Variants in CDH13 observed in about 807,000 individuals in gnomAD.
CDH13 encodes the protein cadherin-13.
In CDH13, 24 loss-of-function variants were observed where a neutral mutation model predicts 63.8. The observed-to-expected ratio is 0.38, with a 90% confidence interval of 0.27 to 0.53. The LOEUF (loss-of-function observed/expected upper bound fraction) is 0.53. CDH13 is among the 20% of genes least tolerant of loss of function. The pLI, the probability that CDH13 is intolerant of heterozygous loss-of-function variation, is 0.85. For synonymous variants in CDH13, 503 were observed against 355.3 expected (o/e 1.42, Z -4.67); for missense variants, 1,049 against 903.1 (o/e 1.16, Z -2.07).
At chr16:83,246,711 A>T (rs1158089792) in intron 5 of CDH13, among the ~76,000 whole-genome samples, 4 of 151,828 alleles carry the variant, frequency 2.6e-5, no homozygotes, top group Admixed American at 6.6e-5. Flanking sequence ...CCCTATGTTT[A>T]CTCTTCGCCG....
At chr16:83,236,953 T>G (rs2040162347) in intron 5 of CDH13, among the ~76,000 whole-genome samples, 1 of 152,020 alleles carries the variant, frequency 6.6e-6, no homozygotes, top group South Asian at 2.1e-4. Flanking sequence ...TATGTGAGTT[T>G]CACCTCATTT....
chr16:83,720,180 TAC>T (rs375408617), intron 10 of CDH13, among the ~76,000 whole-genome samples: 3 of 150,858 alleles, frequency 2.0e-5, no homozygotes, highest in Non-Finnish European at 3.0e-5. Context: ...AGTACATACG[TAC>T]ACACACACAC....
intron 10 of CDH13, among the ~76,000 whole-genome samples, chr16:83,702,695 C>A (rs764149966): frequency 6.6e-6 from 1 of 152,190 alleles, no homozygotes; most frequent in Admixed American, 6.5e-5. Flanking sequence ...TGCCTTGGGT[C>A]TCTTATCCAG....
intron 1 of CDH13, among the ~76,000 whole-genome samples, chr16:82,789,216 T>C (rs1233900751): frequency 1.3e-5 from 2 of 152,174 alleles, no homozygotes; most frequent in African/African-American, 4.8e-5. Flanking sequence ...TGTGGTTGGG[T>C]TGATCACAGA....
intron 4 of CDH13, among the ~76,000 whole-genome samples, chr16:83,146,433 C>G (rs982493659): frequency 1.3e-5 from 2 of 152,196 alleles, no homozygotes; most frequent in Admixed American, 1.3e-4. Context: ...GGACCAGCAT[C>G]TCTGCAATTT....
chr16:83,033,280 G>T (rs1422767059), intron 3 of CDH13, among the ~76,000 whole-genome samples: 1 of 151,944 alleles, frequency 6.6e-6, no homozygotes. Flanking sequence ...ATGTATATAT[G>T]TATATGTAAT....
intron 6 of CDH13, among the ~76,000 whole-genome samples, chr16:83,414,371 A>G (rs1180870712): frequency 6.6e-6 from 1 of 152,192 alleles, no homozygotes; most frequent in African/African-American, 2.4e-5. Flanking sequence ...CCACAGTCTG[A>G]TTTTATATTT....
At position 83,318,238 on chromosome 16, in the gene CDH13, C is replaced by T. The variant is rs116557609; in HGVS notation, c.637-26624C>T. ...CTCATTTCCAGTAAGGAAGGTCTTA[C>T]TGTGTTTTCCTGAGTGTGGGTTGTC... On this transcript the variant is annotated intron_variant, in intron 5 of 13. Coordinates refer to ENST00000567109, the MANE Select transcript of CDH13 (RefSeq NM_001257.5). Among the ~76,000 whole-genome samples, 443 of 152,294 alleles carry T rather than the reference C, an allele frequency of 2.9e-3. 2 individuals carry two copies. Among genetic ancestry groups the T allele is most frequent in the African/African-American group, 0.01 (420 of 41,548 alleles).
chr16:83,050,322 G>C (rs2030164393), intron 3 of CDH13, among the ~76,000 whole-genome samples: 1 of 152,110 alleles, frequency 6.6e-6, no homozygotes, highest in African/African-American at 2.4e-5. Flanking sequence ...GAGTGGAATT[G>C]CTGGCTCATA....
chr16:83,106,383 CA>C (rs58367860), intron 3 of CDH13, among the ~76,000 whole-genome samples: 8 of 151,802 alleles, frequency 5.3e-5, no homozygotes, highest in African/African-American at 1.9e-4. Flanking sequence ...ACTAAAGATA[CA>C]AAAAAAATTA....
chr16:82,670,765 G>A (rs994213838), intron 1 of CDH13, among the ~76,000 whole-genome samples: 3 of 152,128 alleles, frequency 2.0e-5, no homozygotes, highest in Admixed American at 1.3e-4. Flanking sequence ...TGTCATCAAC[G>A]AGCAATTCAG....
intron 3 of CDH13, among the ~76,000 whole-genome samples, chr16:83,034,891 C>T (rs1033123287): frequency 6.6e-6 from 1 of 152,108 alleles, no homozygotes; most frequent in South Asian, 2.1e-4. Flanking sequence ...TCGCTTGCTG[C>T]TGTCTGTACG....
At chr16:83,398,678 G>A (rs1192846891) in intron 6 of CDH13, among the ~76,000 whole-genome samples, 1 of 152,144 alleles carries the variant, frequency 6.6e-6, no homozygotes, top group Non-Finnish European at 1.5e-5. Flanking sequence ...CTTCTAACAT[G>A]TTCACAGTTG....
chr16:83,548,683 G>T (rs903868602), intron 7 of CDH13, among the ~76,000 whole-genome samples: 1 of 152,068 alleles, frequency 6.6e-6, no homozygotes, highest in African/African-American at 2.4e-5. Context: ...TGAGGAGATG[G>T]CTTGTTTTCT....
intron 5 of CDH13, among the ~76,000 whole-genome samples, chr16:83,330,262 C>G (rs936633605): frequency 6.6e-6 from 1 of 152,144 alleles, no homozygotes; most frequent in East Asian, 1.9e-4. Context: ...AATCTGGATA[C>G]CAGAATTGTA....
intron 3 of CDH13, among the ~76,000 whole-genome samples, chr16:83,096,760 AT>A (rs2034218562): frequency 6.6e-6 from 1 of 152,148 alleles, no homozygotes. Flanking sequence ...CAATATTTTC[AT>A]TTTTACTTCT....
At chr16:82,809,206 T>G (rs2037315347) in intron 1 of CDH13, among the ~76,000 whole-genome samples, 1 of 152,286 alleles carries the variant, frequency 6.6e-6, no homozygotes, top group East Asian at 1.9e-4. Flanking sequence ...CACCAGTGTT[T>G]CGTGTCACCA....
At chr16:83,103,379 G>T (rs1414112926) in intron 3 of CDH13, among the ~76,000 whole-genome samples, 1 of 150,530 alleles carries the variant, frequency 6.6e-6, no homozygotes, top group African/African-American at 2.5e-5. Flanking sequence ...CTGAGTAGCT[G>T]GGACTACAGG....
intron 6 of CDH13, among the ~76,000 whole-genome samples, chr16:83,452,513 C>G (rs2072911652): frequency 6.6e-6 from 1 of 151,992 alleles, no homozygotes; most frequent in Non-Finnish European, 1.5e-5. Context: ...CGTGGCTCCT[C>G]ACTTTCTCGG....
Sources: allele counts gnomAD v4.1 joint callset (sites outside exome capture counted in the v4.1 genomes callset), GRCh38; gene constraint gnomAD v4.1.1; transcripts MANE v1.5; gene names NCBI Gene and HGNC (gene_info 2026-07-23, HGNC 2026-07-21).